TNXB: variants seen among roughly 807,000 people sequenced by gnomAD.
TNXB encodes tenascin-X.
TNXB carries 183 observed loss-of-function variants against 340.5 expected under a neutral mutation model. That is an observed-to-expected ratio of 0.54 (90% CI 0.48 to 0.61). The LOEUF (loss-of-function observed/expected upper bound fraction) is 0.61. TNXB is among the 20% of genes least tolerant of loss of function. The pLI is 0.00. For synonymous variants in TNXB, 2,121 were observed against 2,314.5 expected (o/e 0.92, Z 2.40); for missense variants, 4,613 against 5,446.4 (o/e 0.85, Z 4.82).
rs751518183 is a variant in TNXB at position 32,056,699 on chromosome 6, T to C, written c.8030A>G (p.His2677Arg). 1.2e-6 allele frequency: 2 copies of C among 1,613,146 alleles called. No individual in the cohort carries two copies. Among genetic ancestry groups the C allele is most frequent in the Non-Finnish European group, 1.7e-6 (2 of 1,179,872 alleles). ...GCCTGAGATGGTGACCCCGTCCTCG[T>C]GCCCCGGCACCCGCACCGCCTTGGG... ...GQPKAVRVPGHEDGVTISGLE... is the reference protein window; with the variant it reads ...GQPKAVRVPGREDGVTISGLE... The change falls in exon 23 of 44, where the codon CAC (histidine) becomes CGC (arginine). Residue 2677 changes from histidine to arginine, a missense_variant. His to Arg is a conservative substitution (Grantham distance 29). Coordinates refer to ENST00000644971, the MANE Select transcript of TNXB (RefSeq NM_001365276.2).
chr6:32,047,847 T>C lies in TNXB; in HGVS notation c.10211A>G (p.Asn3404Ser). The C allele has an allele frequency of 1.2e-6, 2 of 1,612,116 alleles. No homozygotes were observed. Among genetic ancestry groups the C allele is most frequent in the Non-Finnish European group, 8.5e-7 (1 of 1,179,536 alleles). Residue 3404 changes from asparagine to serine, a missense_variant, in exon 30 of 44, where the codon AAC (asparagine) becomes AGC (serine). Asn to Ser is a conservative substitution (Grantham distance 46). Transcript: ENST00000644971. The surrounding 1 kb of genome is among the most constrained non-coding windows in gnomAD (Gnocchi z 6.2). Reference sequence around the variant, plus strand: ...GCCCTGGACTGTGACCTCCCGCTGGTTGGCTGCCACCGGCACCACCTGGAG... The same window carrying C: ...GCCCTGGACTGTGACCTCCCGCTGGCTGGCTGCCACCGGCACCACCTGGAG... ...GRLQVVPVAA[N>S]QREVTVQGLE... is the part of the protein sequence containing the mutation.
Position 32,097,656 on chromosome 6 carries a change from C to T in TNXB, c.403+140G>A. The T allele has an allele frequency of 8.6e-7, 1 of 1,165,830 alleles. No individual in the cohort carries two copies. The highest frequency in any genetic ancestry group is 1.5e-5 in the African/African-American group (1 of 64,742). The allele number at this position is 1,165,830 out of a possible 1,614,324, so 72.2% of individuals were successfully genotyped here. On this transcript the variant is annotated intron_variant, in intron 2 of 43. Transcript: ENST00000644971. The surrounding 1 kb of genome is among the most constrained non-coding windows in gnomAD (Gnocchi z 5.9). Reference sequence around the variant, plus strand: ...TGACATGTAGCCCAGCTCTGCTCTCCAAGTTGTGTTCTGGGCTGCATCCAC... The same window carrying T: ...TGACATGTAGCCCAGCTCTGCTCTCTAAGTTGTGTTCTGGGCTGCATCCAC...
In TNXB at chr6:32,079,960, A is replaced by C. The variant is rs116187244; in HGVS notation, c.4043-595T>G. Among the ~76,000 whole-genome samples the C allele has an allele frequency of 2.1e-3, 322 of 152,284 alleles. 3 individuals carry two copies. Among genetic ancestry groups the C allele is most frequent in the African/African-American group, 7.4e-3 (307 of 41,556 alleles). On this transcript the variant is annotated intron_variant, in intron 10 of 43. Transcript: ENST00000644971. The surrounding 1 kb of genome is among the most constrained non-coding windows in gnomAD (Gnocchi z 7.1). Reference sequence around the variant, plus strand: ...GCCCCCTACAGTTAGGTCTCTGCTGAGGCTCCATGGAGTGGGGAGACTGTG... The same window carrying C: ...GCCCCCTACAGTTAGGTCTCTGCTGCGGCTCCATGGAGTGGGGAGACTGTG...
rs764142576 is a variant in TNXB at position 32,058,051 on chromosome 6, C to A, written c.7825+7G>T. ...CTTCCAACCCTGCCCCACCCACACT[C>A]ACTCACCTGTGACGCCCACGGCAGA... On this transcript the variant is annotated splice_region_variant and intron_variant, in intron 22 of 43. Coordinates refer to ENST00000644971, the MANE Select transcript of TNXB (RefSeq NM_001365276.2). This position sits in a 1 kb window ranked among gnomAD's most constrained non-coding sequence, Gnocchi z 5.1. The A allele has an allele frequency of 3.7e-6, 6 of 1,602,008 alleles. No homozygotes were observed. The Admixed American group carries it at 1.0e-4, about 27-fold the overall frequency.
chr6:32,081,570 TGA>T lies in TNXB; in HGVS notation c.3838_3839del (p.Ser1280MetfsTer31), dbSNP rs1779441960. 6.2e-7 allele frequency: 1 copy of T among 1,602,714 alleles called. No homozygotes were observed. Among genetic ancestry groups the T allele is most frequent in the East Asian group, 2.2e-5 (1 of 44,614 alleles). ...CGAAGGGGCCCTGGGCCACTGTCCATGAGAGACGCAAGGAGTCTGGGGTCACG... is the reference window on the plus strand; with the variant it reads ...CGAAGGGGCCCTGGGCCACTGTCCATGAGACGCAAGGAGTCTGGGGTCACG... Reference protein sequence around the residue: ...TGVTPDSLRLSWTVAQGPFDS... With the variant: ...TGVTPDSLRLXWTVAQGPFDS... On this transcript the variant is annotated frameshift_variant, in exon 10 of 44. Transcript: ENST00000644971. LOFTEE classifies it high-confidence loss of function. The surrounding 1 kb of genome is among the most constrained non-coding windows in gnomAD (Gnocchi z 5.1).
rs146399029 is a variant in TNXB at position 32,082,080 on chromosome 6, G to T, written c.3692C>A (p.Ala1231Glu). 9.3e-6 allele frequency: 15 copies of T among 1,608,900 alleles called. No individual in the cohort carries two copies. The highest frequency in any genetic ancestry group is 8.9e-5 in the East Asian group (4 of 44,774). Residue 1231 changes from alanine (A) to glutamate (E), a missense_variant, in exon 9 of 44, where the codon GCG becomes GAG. This residue lies in a region of TNXB where 4,327 missense variants were observed against 4,859.4 expected (regional missense o/e 0.89). Coordinates refer to ENST00000644971, the MANE Select transcript of TNXB (RefSeq NM_001365276.2). The surrounding 1 kb of genome is among the most constrained non-coding windows in gnomAD (Gnocchi z 5.0). Reference sequence around the variant, plus strand: ...GAGGGGGCCATACCGCTTCTTGTTCGCAATTCCAAACAGAGTGAATCTGTA... The same window carrying T: ...GAGGGGGCCATACCGCTTCTTGTTCTCAATTCCAAACAGAGTGAATCTGTA... ...HKYRFTLFGI[A>E]NKKRYGPLTA...
Position 32,046,322 on chromosome 6 carries a change from C to A in TNXB, c.10459G>T (p.Asp3487Tyr), listed in dbSNP as rs747469298. 8 of 1,606,674 alleles carry A rather than the reference C, an allele frequency of 5.0e-6. No homozygotes were observed. In the South Asian group the frequency reaches 8.9e-5, roughly 18 times the overall value. The change falls in exon 31 of 44, where the codon GAC becomes TAC. Residue 3487 changes from aspartate (D) to tyrosine (Y), a missense_variant. By Grantham distance (160) the Asp-to-Tyr change is radical. Around this residue, in one of 7 missense-constraint regions of TNXB, gnomAD observed 4,327 missense variants for 4,859.4 expected, o/e 0.89. Transcript: ENST00000644971. The surrounding 1 kb of genome is among the most constrained non-coding windows in gnomAD (Gnocchi z 6.9). ...ACAGGCACTGCCCTGGGCTGCCCGTCCGTGTCCCTGTACTGGACCACGAAG... is the reference window on the plus strand; with the variant it reads ...ACAGGCACTGCCCTGGGCTGCCCGTACGTGTCCCTGTACTGGACCACGAAG... ...DSFVVQYRDTDGQPRAVPVAA... is the reference protein window; with the variant it reads ...DSFVVQYRDTYGQPRAVPVAA...
chr6:32,099,868 C>A (rs1780620467), intron 1 of TNXB, among the ~76,000 whole-genome samples: 1 of 141,776 alleles, frequency 7.1e-6, no homozygotes, highest in Non-Finnish European at 1.5e-5. Context: ...TAATTAACGA[C>A]AAAAGTGCCC....
At position 32,097,189 on chromosome 6, in the gene TNXB, A is replaced by C. The variant is rs754569180; in HGVS notation, c.664T>G (p.Cys222Gly). ...TGCACGCAGCGCCCACGGCCTTGGC[A>C]GTCCCCGGGACAGGATGGCCAGCCA... ...SCGWPSCPGD[C>G]QGRGRCVQGV... is the part of the protein sequence containing the mutation. The change falls in exon 3 of 44, where the codon TGC (cysteine) becomes GGC (glycine). Residue 222 changes from cysteine (C) to glycine (G), a missense_variant. This residue lies in a region of TNXB where 4,327 missense variants were observed against 4,859.4 expected (regional missense o/e 0.89). Coordinates refer to ENST00000644971, the MANE Select transcript of TNXB (RefSeq NM_001365276.2). The surrounding 1 kb of genome is among the most constrained non-coding windows in gnomAD (Gnocchi z 5.9). 4.4e-6 allele frequency: 7 copies of C among 1,595,914 alleles called. No individual in the cohort carries two copies. In the South Asian group the frequency reaches 6.8e-5, roughly 15 times the overall value.
In TNXB at chr6:32,091,298, C is replaced by T. The variant is rs191523096; in HGVS notation, c.2359-1919G>A. ...GCTAATTTTGTATTTTTAGTAGAGA[C>T]GGGGTTTCTCCATGTTGGTCAGGCT... On this transcript the variant is annotated intron_variant, in intron 4 of 43. Coordinates refer to ENST00000644971, the MANE Select transcript of TNXB (RefSeq NM_001365276.2). 5.5e-4 allele frequency among the ~76,000 whole-genome samples: 84 copies of T among 151,514 alleles called. 1 individual carries two copies. In the East Asian group the frequency reaches 0.014, roughly 25 times the overall value.
chr6:32,098,486 G>GT (rs1365775304), intron 1 of TNXB, among the ~76,000 whole-genome samples: 2 of 148,832 alleles, frequency 1.3e-5, no homozygotes, highest in African/African-American at 2.5e-5. Context: ...GTTTTGTTTT[G>GT]TTTGTTTGTT....
chr6:32,071,772 G>T (rs1205738793), intron 13 of TNXB, among the ~76,000 whole-genome samples: 1 of 152,116 alleles, frequency 6.6e-6, no homozygotes, highest in Non-Finnish European at 1.5e-5. Flanking sequence ...TTTTAGTAGA[G>T]ACAGGGTTTT....
rs17201595 is a variant in TNXB, at chr6:32,090,648, G to A, written c.2359-1269C>T. Reference sequence around the variant, plus strand: ...GTATAAAACCAGATGAGAAGGCCACGTAGAGATTTCTGGGTTGAGGATGAA... The same window carrying A: ...GTATAAAACCAGATGAGAAGGCCACATAGAGATTTCTGGGTTGAGGATGAA... On this transcript the variant is annotated intron_variant, in intron 4 of 43. Transcript: ENST00000644971. This position sits in a 1 kb window ranked among gnomAD's most constrained non-coding sequence, Gnocchi z 4.3. Among the ~76,000 whole-genome samples the A allele has an allele frequency of 1.3e-5, 2 of 152,112 alleles. No individual in the cohort carries two copies. Among genetic ancestry groups the A allele is most frequent in the Admixed American group, 6.5e-5 (1 of 15,278 alleles).
intron 11 of TNXB, among the ~76,000 whole-genome samples, chr6:32,078,073 G>GAGAA (rs57498424): frequency 0.12 from 15,516 of 124,762 alleles, 1,030 homozygotes; most frequent in East Asian, 0.21. Flanking sequence ...CAGAAAGAAA[G>GAGAA]AGAAAGAAAG....
Position 32,097,179 on chromosome 6 carries a change from C to T in TNXB, c.674G>A (p.Arg225His), listed in dbSNP as rs532306311. 21 of 1,596,248 alleles carry T rather than the reference C, an allele frequency of 1.3e-5. 1 individual carries two copies. The African/African-American group carries it at 1.5e-4, about 11-fold the overall frequency. The change falls in exon 3 of 44, where the codon CGT becomes CAT. Residue 225 changes from arginine (R) to histidine (H), a missense_variant. Coordinates refer to ENST00000644971, the MANE Select transcript of TNXB (RefSeq NM_001365276.2). This position sits in a 1 kb window ranked among gnomAD's most constrained non-coding sequence, Gnocchi z 5.9. ...ACACACGCCCTGCACGCAGCGCCCACGGCCTTGGCAGTCCCCGGGACAGGA... is the reference window on the plus strand; with the variant it reads ...ACACACGCCCTGCACGCAGCGCCCATGGCCTTGGCAGTCCCCGGGACAGGA... The part of the protein sequence containing the change: ...WPSCPGDCQG[R>H]GRCVQGVCVC...
intron 24 of TNXB, 72 bp downstream of exon 24, chr6:32,055,779 A>G: frequency 6.4e-7 from 1 of 1,552,568 alleles, no homozygotes. Context: ...TGGTGAGAAT[A>G]TTTTTGTTTT....
In TNXB at chr6:32,043,958, C is replaced by G. The variant is rs746510955; in HGVS notation, c.11386+49G>C. On this transcript the variant is annotated intron_variant, in intron 34 of 43. Coordinates refer to ENST00000644971, the MANE Select transcript of TNXB (RefSeq NM_001365276.2). ...GGGCAGCTGGAGGGTGGGCAGAGTGCAGGGGGGAGAGGAAATGCGAGGCGA... is the reference window on the plus strand; with the variant it reads ...GGGCAGCTGGAGGGTGGGCAGAGTGGAGGGGGGAGAGGAAATGCGAGGCGA... 3.7e-6 allele frequency: 6 copies of G among 1,609,280 alleles called. No individual in the cohort carries two copies. The Admixed American group carries it at 1.0e-4, about 27-fold the overall frequency.
chr6:32,105,226 C>T (rs1780919322), intron 1 of TNXB, among the ~76,000 whole-genome samples: 1 of 152,168 alleles, frequency 6.6e-6, no homozygotes, highest in South Asian at 2.1e-4. Context: ...GTTCCCTTCT[C>T]TCTTGGCCTT....
At chr6:32,057,181 G>C (rs1246549872) in intron 22 of TNXB, among the ~76,000 whole-genome samples, 18 of 150,304 alleles carry the variant, frequency 1.2e-4, no homozygotes, top group African/African-American at 4.4e-4. Flanking sequence ...AGCCCCACTC[G>C]GCCTCTGCAC....
Sources: gnomAD v4.1 joint callset for allele counts (sites outside exome capture counted in the v4.1 genomes callset) on GRCh38, gnomAD v4.1.1 for gene constraint, gnomAD v4.1.1 regional missense constraint, Gnocchi (gnomAD v3.1) non-coding constraint, MANE v1.5 for transcripts, NCBI Gene and HGNC (gene_info 2026-07-23, HGNC 2026-07-21) for gene names.